The following AFM variants were observed in gnomAD, a reference collection of about 807,000 sequenced individuals.
AFM encodes the protein alpha-Alb.
AFM carries 82 observed loss-of-function variants against 68.7 expected under a neutral mutation model. The observed-to-expected ratio is 1.19, with a 90% CI of 1.00 to 1.43. The LOEUF (loss-of-function observed/expected upper bound fraction) is 1.43, where lower values mean the gene tolerates loss of function less well. Among genes scored for constraint, AFM ranks in the 40% most tolerant of loss-of-function variants. The pLI is 0.00. For synonymous variants in AFM, 250 were observed against 234.2 expected (o/e 1.07, Z -0.61); for missense variants, 772 against 701.8 (o/e 1.10, Z -1.13).
intron 7 of AFM, 33 bp downstream of exon 7, chr4:73,488,792 G>C: frequency 1.9e-6 from 3 of 1,574,410 alleles, no homozygotes; most frequent in Non-Finnish European, 2.6e-6. Context: ...TTAAAATAGT[G>C]ATTTTTGGCA....
intron 9 of AFM, among the ~76,000 whole-genome samples, chr4:73,495,882 A>T (rs1018175677): frequency 6.6e-6 from 1 of 152,196 alleles, no homozygotes; most frequent in Non-Finnish European, 1.5e-5. Context: ...CCCTTTTCTG[A>T]TTCTCCCACT....
chr4:73,495,861 G>A (rs1216114552), intron 9 of AFM, among the ~76,000 whole-genome samples: 1 of 152,166 alleles, frequency 6.6e-6, no homozygotes. Context: ...AGCAACAAAG[G>A]TTACAAAGAA....
In AFM at chr4:73,488,616, A is replaced by C. The variant is rs1275124695; in HGVS notation, c.714-14A>C. 1 of 1,598,886 alleles carries C rather than the reference A, an allele frequency of 6.3e-7. No individual in the cohort carries two copies. The highest frequency in any genetic ancestry group is 1.3e-5 in the African/African-American group (1 of 74,110). The stretch of plus-strand genomic sequence containing the variant: ...GTTCAAATTATTTTTGTGGTTTATC[A>C]ATTCTCTTTCCAGATATATTGCGAT... On this transcript the variant is annotated splice_polypyrimidine_tract_variant and intron_variant, in intron 6 of 14. Transcript: ENST00000226355.
At chr4:73,494,346 C>T (rs1327501236) in intron 8 of AFM, among the ~76,000 whole-genome samples, 1 of 151,916 alleles carries the variant, frequency 6.6e-6, no homozygotes, top group East Asian at 1.9e-4. Flanking sequence ...AGGTATTGCG[C>T]TCACAAAACG....
At chr4:73,490,801 G>A (rs1721049730) in intron 7 of AFM, among the ~76,000 whole-genome samples, 1 of 152,152 alleles carries the variant, frequency 6.6e-6, no homozygotes. Flanking sequence ...GAAAATAGAA[G>A]TAACTTCCCA....
chr4:73,487,469 C>T (rs1317847094), intron 5 of AFM, among the ~76,000 whole-genome samples: 1 of 152,216 alleles, frequency 6.6e-6, no homozygotes, highest in African/African-American at 2.4e-5. Context: ...AAGCTCACAG[C>T]ATGCTGCCCC....
At chr4:73,500,429 T>C (rs564223651) in intron 12 of AFM, among the ~76,000 whole-genome samples, 1 of 152,304 alleles carries the variant, frequency 6.6e-6, no homozygotes, top group East Asian at 1.9e-4. Flanking sequence ...TCTTTTCATT[T>C]GAAAGAGACT....
At chr4:73,495,486 C>T in intron 9 of AFM, 54 bp downstream of exon 9, 2 of 1,581,862 alleles carry the variant, frequency 1.3e-6, no homozygotes, top group Non-Finnish European at 8.5e-7. Context: ...CTAGAAAACA[C>T]TTAAAAATTG....
chr4:73,485,514 T>C (rs1255779565), intron 3 of AFM, among the ~76,000 whole-genome samples: 1 of 145,542 alleles, frequency 6.9e-6, no homozygotes, highest in Non-Finnish European at 1.5e-5. Flanking sequence ...CATATCAAGA[T>C]CCCATTCCAA....
chr4:73,502,061 G>A, intron 13 of AFM, 142 bp downstream of exon 13: 2 of 915,168 alleles, frequency 2.2e-6, no homozygotes, highest in Admixed American at 5.7e-5. Context: ...CAACTAATAT[G>A]TAGACATCTC....
chr4:73,499,000 T>C, intron 10 of AFM, 114 bp from the exon 11 acceptor site: 5 of 1,038,010 alleles, frequency 4.8e-6, no homozygotes, highest in Non-Finnish European at 6.8e-6. Context: ...CTAAGGTTCA[T>C]GTTGCACCTA....
Position 73,488,710 on chromosome 4 carries a change from A to T in AFM, c.794A>T (p.Asn265Ile), listed in dbSNP as rs753536313. Reference sequence around the variant, plus strand: ...TCTCTTGTAGAAGATGTTTCTTCCAACTATGATGGATGCTGTGAAGGGGAT... The same window carrying T: ...TCTCTTGTAGAAGATGTTTCTTCCATCTATGATGGATGCTGTGAAGGGGAT... ...LISLVEDVSS[N>I]YDGCCEGDVV... is the part of the protein sequence containing the mutation. The change falls in exon 7 of 15, where the codon AAC (asparagine) becomes ATC (isoleucine). Residue 265 changes from asparagine to isoleucine, a missense_variant. Physicochemically the swap from Asn to Ile is moderately radical, Grantham distance 149. Transcript: ENST00000226355. 3.7e-6 allele frequency: 6 copies of T among 1,613,304 alleles called. No individual in the cohort carries two copies. The East Asian group carries it at 1.1e-4, about 30-fold the overall frequency.
rs756494848 is a variant in AFM at position 73,500,253 on chromosome 4, T to C, written c.1646+26T>C. The C allele has an allele frequency of 9.6e-6, 15 of 1,568,478 alleles. No homozygotes were observed. The Admixed American group carries it at 2.3e-4, about 25-fold the overall frequency. ...GTACAAATAATCTCTTCCATTCTTC[T>C]TTTTCTTTGGTTTGAAGACACACCA... On this transcript the variant is annotated intron_variant, in intron 12 of 14. Coordinates refer to ENST00000226355, the MANE Select transcript of AFM (RefSeq NM_001133.2).
At chr4:73,492,796 A>T (rs1721113954) in intron 8 of AFM, among the ~76,000 whole-genome samples, 1 of 150,152 alleles carries the variant, frequency 6.7e-6, no homozygotes, top group South Asian at 2.1e-4. Flanking sequence ...CTGTCTCAAA[A>T]AAAAAAAAAA....
intron 12 of AFM, 77 bp downstream of exon 12, chr4:73,500,304 T>C: frequency 1.6e-6 from 2 of 1,238,886 alleles, no homozygotes; most frequent in Non-Finnish European, 2.3e-6. Flanking sequence ...GTTTATCTAG[T>C]GGATATGTCT....
At position 73,485,590 on chromosome 4, in the gene AFM, A is replaced by AGAAGAGGAAGAG. The variant is rs144414208; in HGVS notation, c.271-254_271-243dup. Among the ~76,000 whole-genome samples, 205 of 137,508 alleles carry AGAAGAGGAAGAG rather than the reference A, an allele frequency of 1.5e-3. 1 individual carries two copies. The highest frequency in any genetic ancestry group is 1.9e-3 in the African/African-American group (69 of 36,710). The allele number at this position is 137,508 out of a possible 152,430, so 90.2% of individuals were successfully genotyped here. On this transcript the variant is annotated intron_variant, in intron 3 of 14. Transcript: ENST00000226355. ...GAGAAGGAGAAAGAGAAGGAGAAGGAGAAGAGGAAGAGGAAGAGGAAGAGG... is the reference window on the plus strand; with the variant it reads ...GAGAAGGAGAAAGAGAAGGAGAAGGAGAAGAGGAAGAGGAAGAGGAAGAGGAAGAGGAAGAGG...
At chr4:73,499,035 G>T in intron 10 of AFM, 79 bp from the exon 11 acceptor site, 1 of 1,485,772 alleles carries the variant, frequency 6.7e-7, no homozygotes, top group Non-Finnish European at 9.1e-7. Context: ...AGCCTTGAAG[G>T]GTCTGGGCTT....
chr4:73,484,079 A>C (rs1461685696), intron 2 of AFM, 90 bp downstream of exon 2: 11 of 1,378,388 alleles, frequency 8.0e-6, no homozygotes, highest in African/African-American at 1.5e-5. Context: ...TTAACTAAAT[A>C]GAAGCCATAT....
chr4:73,494,223 G>C (rs897222309), intron 8 of AFM, among the ~76,000 whole-genome samples: 2 of 151,962 alleles, frequency 1.3e-5, no homozygotes, highest in Admixed American at 6.6e-5. Context: ...AAAGCAAATG[G>C]GAAGCTGGAG....
Sources: allele counts gnomAD v4.1 joint callset (sites outside exome capture counted in the v4.1 genomes callset), GRCh38; gene constraint gnomAD v4.1.1; transcripts MANE v1.5; gene names NCBI Gene and HGNC (gene_info 2026-07-23, HGNC 2026-07-21).